Variants in HELZ observed in about 807,000 individuals in gnomAD.
HELZ encodes the protein helicase with zinc finger.
A neutral mutation model predicts 218.2 loss-of-function variants in HELZ; 23 were observed. The ratio of observed to expected loss-of-function variants is 0.11; its 90% CI spans 0.08 to 0.15. HELZ has a LOEUF of 0.15. Among genes scored for constraint, HELZ ranks in the 10% least tolerant of loss-of-function variants. The pLI is 1.00. For missense variants in HELZ, 1,813 were observed against 2,353.7 expected (o/e 0.77, Z 4.75); for synonymous variants, 814 against 829.4 (o/e 0.98, Z 0.32).
At chr17:67,148,781 T>C in intron 19 of HELZ, 67 bp from the exon 20 acceptor site, 1 of 1,447,856 alleles carries the variant, frequency 6.9e-7, no homozygotes, top group Non-Finnish European at 9.3e-7. Flanking sequence ...AACCTACTTA[T>C]AAAAAATCCA....
chr17:67,091,845 G>A (rs1242299497), intron 31 of HELZ, among the ~76,000 whole-genome samples: 1 of 151,946 alleles, frequency 6.6e-6, no homozygotes, highest in Non-Finnish European at 1.5e-5. Context: ...AGAAATCCTT[G>A]ATTATAGAAC....
intron 28 of HELZ, among the ~76,000 whole-genome samples, chr17:67,109,929 A>G (rs2143758900): frequency 6.6e-6 from 1 of 152,308 alleles, no homozygotes; most frequent in South Asian, 2.1e-4. Flanking sequence ...CTGCCATTTT[A>G]TTAGCATATC....
chr17:67,244,453 G>A lies in HELZ; in HGVS notation c.-131-614C>T, dbSNP rs374057954. On this transcript the variant is annotated intron_variant, in intron 1 of 32. Transcript: ENST00000358691. ...AGGGGAGAGGAATCGAAGTTCCCTA[G>A]GTAAGACTGCAGTCTGTGAGCCCTT... 10 of 262,786 alleles carry A rather than the reference G, an allele frequency of 3.8e-5. No individual in the cohort carries two copies. The East Asian group carries it at 1.2e-3, about 33-fold the overall frequency. 16.3% of individuals were successfully genotyped at this position (262,786 alleles called of 1,614,324 possible).
chr17:67,228,047 A>T (rs1430947888), intron 3 of HELZ, among the ~76,000 whole-genome samples: 1 of 152,198 alleles, frequency 6.6e-6, no homozygotes, highest in East Asian at 1.9e-4. Flanking sequence ...TAGAAAAAAA[A>T]TATGTATCTA....
chr17:67,168,694 A>G (rs931819703), intron 13 of HELZ, among the ~76,000 whole-genome samples: 1 of 152,246 alleles, frequency 6.6e-6, no homozygotes, highest in Non-Finnish European at 1.5e-5. Flanking sequence ...GGCCTATCTT[A>G]TCAGACAATG....
chr17:67,098,057 ACC>A (rs1054269795), intron 31 of HELZ, among the ~76,000 whole-genome samples: 15 of 152,290 alleles, frequency 9.8e-5, no homozygotes, highest in African/African-American at 3.6e-4. Flanking sequence ...TCTCCCCACC[ACC>A]CAGAAAAAAT....
intron 24 of HELZ, among the ~76,000 whole-genome samples, chr17:67,128,317 T>C (rs979651996): frequency 6.6e-6 from 1 of 152,332 alleles, no homozygotes; most frequent in Admixed American, 6.5e-5. Context: ...TTTTAGTAAG[T>C]GTGATAATCT....
rs1004902596 is a variant in HELZ at position 67,077,322 on chromosome 17, G to A, written c.*930C>T. On this transcript the variant is annotated 3_prime_UTR_variant, in exon 33 of 33. Coordinates refer to ENST00000358691, the MANE Select transcript of HELZ (RefSeq NM_014877.4). ...GAGAAAAAAACCCAAACCTTAAAGC[G>A]GCACAATTCTTTATACCACTGGAGA... 1.3e-5 allele frequency: 2 copies of A among 152,126 alleles called. No homozygotes were observed. Among genetic ancestry groups the A allele is most frequent in the Non-Finnish European group, 2.9e-5 (2 of 67,934 alleles). 9.4% of individuals were successfully genotyped at this position (152,126 alleles called of 1,614,324 possible).
intron 23 of HELZ, among the ~76,000 whole-genome samples, chr17:67,129,175 A>C (rs988361114): frequency 1.3e-5 from 2 of 152,228 alleles, no homozygotes; most frequent in Middle Eastern, 3.4e-3. Flanking sequence ...CCATATAATA[A>C]GTTTTCAAAA....
At chr17:67,197,448 G>GC (rs1333616642) in intron 7 of HELZ, among the ~76,000 whole-genome samples, 1 of 152,072 alleles carries the variant, frequency 6.6e-6, no homozygotes, top group East Asian at 1.9e-4. Flanking sequence ...TCACACTTCT[G>GC]CCCCCCTGAT....
At chr17:67,199,617 C>G (rs1270739472) in intron 7 of HELZ, among the ~76,000 whole-genome samples, 1 of 152,026 alleles carries the variant, frequency 6.6e-6, no homozygotes, top group Admixed American at 6.6e-5. Context: ...TACTGATTCT[C>G]GGTTGATTCA....
At position 67,088,884 on chromosome 17, in the gene HELZ, G is replaced by A. The variant is rs567212526; in HGVS notation, c.5242-1803C>T. ...CACAATTGAAATTTCTTTGTCTAAG[G>A]CATTCAATTACGGTAGTGAGTAGAA... On this transcript the variant is annotated intron_variant, in intron 31 of 32. Coordinates refer to ENST00000358691, the MANE Select transcript of HELZ (RefSeq NM_014877.4). 6.7e-4 allele frequency among the ~76,000 whole-genome samples: 102 copies of A among 152,290 alleles called. 1 individual carries two copies. Among genetic ancestry groups the A allele is most frequent in the Non-Finnish European group, 1.2e-3 (82 of 68,020 alleles).
chr17:67,138,250 A>C, intron 21 of HELZ, 136 bp from the exon 22 acceptor site: 4 of 563,244 alleles, frequency 7.1e-6, no homozygotes, highest in Non-Finnish European at 1.1e-5. Flanking sequence ...ACTACCCCTA[A>C]ATGGGAGTAA....
At chr17:67,089,698 G>GAGAGAGAGAGAGAGAC (rs1379133150) in intron 31 of HELZ, among the ~76,000 whole-genome samples, 10 of 139,532 alleles carry the variant, frequency 7.2e-5, no homozygotes, top group African/African-American at 2.8e-4. Flanking sequence ...GAGAGAGAGA[G>GAGAGAGAGAGAGAGAC]AGACAGAGAG....
intron 15 of HELZ, among the ~76,000 whole-genome samples, chr17:67,162,355 T>C (rs1166393112): frequency 6.6e-6 from 1 of 152,180 alleles, no homozygotes; most frequent in Non-Finnish European, 1.5e-5. Context: ...CATGTAATCA[T>C]GCCAATATTT....
At position 67,148,586 on chromosome 17, in the gene HELZ, G is replaced by A. The variant is rs763280624; in HGVS notation, c.2604C>T (p.Ser868=). Reference sequence around the variant, plus strand: ...ACACCTACTTGATGATAGCTTCATGGGAGCGGTAGTTCTCACACAGGAGAA... The same window carrying A: ...ACACCTACTTGATGATAGCTTCATGAGAGCGGTAGTTCTCACACAGGAGAA... ...CRILLCENYR[S]HEAIINYTSE... The change falls in exon 20 of 33, where the codon TCC becomes TCT. Residue 868 remains serine (S), a synonymous_variant. Transcript: ENST00000358691. The A allele has an allele frequency of 6.2e-7, 1 of 1,613,126 alleles. No individual in the cohort carries two copies. Among genetic ancestry groups the A allele is most frequent in the South Asian group, 1.1e-5 (1 of 90,880 alleles).
intron 6 of HELZ, 36 bp downstream of exon 6, chr17:67,203,283 T>C: frequency 6.2e-7 from 1 of 1,604,216 alleles, no homozygotes; most frequent in Non-Finnish European, 8.5e-7. Context: ...TAAAAATTTG[T>C]TTTCAGGCAT....
At chr17:67,110,860 G>C (rs924966791) in intron 28 of HELZ, among the ~76,000 whole-genome samples, 1 of 152,210 alleles carries the variant, frequency 6.6e-6, no homozygotes, top group Non-Finnish European at 1.5e-5. Context: ...CCCTGGCCTA[G>C]AGTTCAGTAG....
In HELZ at chr17:67,218,583, G is replaced by C. The variant is rs1034826626; in HGVS notation, c.210+12C>G. On this transcript the variant is annotated intron_variant, in intron 4 of 32. Transcript: ENST00000358691. ...ATAGTTCAGCATTGGCTTATTGACA[G>C]TGTTTACTCACCAGTTGCAAAAATG... The C allele has an allele frequency of 6.3e-7, 1 of 1,586,164 alleles. No homozygotes were observed. The highest frequency in any genetic ancestry group is 8.7e-7 in the Non-Finnish European group (1 of 1,154,692).
Sources: allele counts gnomAD v4.1 joint callset (sites outside exome capture counted in the v4.1 genomes callset), GRCh38; gene constraint gnomAD v4.1.1; transcripts MANE v1.5; gene names NCBI Gene and HGNC (gene_info 2026-07-23, HGNC 2026-07-21).